Variants in EPHB2 observed in about 807,000 individuals in gnomAD.
The protein encoded by EPHB2 is ephrin type-B receptor 2.
In EPHB2, 18 loss-of-function variants were observed where a neutral mutation model predicts 96.4. That is an observed-to-expected ratio of 0.19 (90% confidence interval 0.13 to 0.28). The LOEUF (loss-of-function observed/expected upper bound fraction) is 0.28. Ranked by LOEUF, EPHB2 falls within the 10% of genes least tolerant of loss-of-function variation. EPHB2 has a pLI of 1.00. For synonymous variants in EPHB2, 506 were observed against 534.1 expected (o/e 0.95, Z 0.72); for missense variants, 989 against 1,355.4 (o/e 0.73, Z 4.25).
intron 3 of EPHB2, among the ~76,000 whole-genome samples, chr1:22,789,031 G>A (rs1434119831): frequency 6.6e-6 from 1 of 152,172 alleles, no homozygotes; most frequent in East Asian, 1.9e-4. Context: ...TGGGATTACA[G>A]GCATGAGCCA....
At position 22,892,711 on chromosome 1, in the gene EPHB2, A is replaced by T. The variant is rs1269781319; in HGVS notation, c.1429-173A>T. ...CTGCCTACCTTTGTGGGCAGTGTTG[A>T]AAAGTAACATGGCAAAAGGCATAAT... On this transcript the variant is annotated intron_variant, in intron 6 of 15. Coordinates refer to ENST00000374630, the MANE Select transcript of EPHB2 (RefSeq NM_017449.5). The T allele has an allele frequency of 3.4e-6, 3 of 873,200 alleles. No homozygotes were observed. In the Admixed American group the frequency reaches 5.1e-5, roughly 15 times the overall value. 54.1% of individuals were successfully genotyped at this position (873,200 alleles called of 1,614,324 possible). A position where few individuals can be genotyped will look rare whatever the true frequency, so the allele number is the denominator to read the frequency against.
chr1:22,716,143 C>T (rs1013339180), intron 1 of EPHB2, among the ~76,000 whole-genome samples: 10 of 152,172 alleles, frequency 6.6e-5, no homozygotes, highest in South Asian at 2.1e-4. Flanking sequence ...CTCCAGAGCC[C>T]CATCAGGGGA....
chr1:22,807,512 T>C (rs1455451628), intron 3 of EPHB2, among the ~76,000 whole-genome samples: 1 of 152,120 alleles, frequency 6.6e-6, no homozygotes, highest in Non-Finnish European at 1.5e-5. Context: ...GAGCCCAGCC[T>C]CCTAGAAGTC....
At chr1:22,885,529 C>T (rs1038006998) in intron 6 of EPHB2, among the ~76,000 whole-genome samples, 1 of 152,254 alleles carries the variant, frequency 6.6e-6, no homozygotes, top group Non-Finnish European at 1.5e-5. Flanking sequence ...AAGCACGTCA[C>T]CTCTAGCATC....
In EPHB2 at chr1:22,789,175, C is replaced by T. The variant is rs74591323; in HGVS notation, c.811+4099C>T. On this transcript the variant is annotated intron_variant, in intron 3 of 15. Coordinates refer to ENST00000374630, the MANE Select transcript of EPHB2 (RefSeq NM_017449.5). The stretch of plus-strand genomic sequence containing the variant: ...CTGGGACCTAAGGCCAAAGAAAGGA[C>T]ACTAGCCCAGCCCCAACACCACCCC... Among the ~76,000 whole-genome samples the T allele has an allele frequency of 2.6e-4, 39 of 152,334 alleles. No homozygotes were observed. The East Asian group carries it at 7.3e-3, about 29-fold the overall frequency.
At position 22,753,526 on chromosome 1, in the gene EPHB2, G is replaced by A. The variant is rs966892746; in HGVS notation, c.62-27895G>A. Among the ~76,000 whole-genome samples the A allele has an allele frequency of 5.9e-5, 9 of 152,300 alleles. No homozygotes were observed. In the South Asian group the frequency reaches 1.5e-3, roughly 25 times the overall value. On this transcript the variant is annotated intron_variant, in intron 1 of 15. Transcript: ENST00000374630. The stretch of plus-strand genomic sequence containing the variant: ...CGCAGGCACCAAGCCCAGTCTGGGT[G>A]GTCAGGGAAGGCTCCCATGAGCCGA...
At chr1:22,893,736 C>A (rs755979935) in intron 7 of EPHB2, among the ~76,000 whole-genome samples, 8 of 152,178 alleles carry the variant, frequency 5.3e-5, no homozygotes, top group Non-Finnish European at 1.2e-4. Flanking sequence ...GGGGTGATAA[C>A]AATGATCTCA....
At chr1:22,753,386 C>G (rs1010586906) in intron 1 of EPHB2, among the ~76,000 whole-genome samples, 28 of 152,196 alleles carry the variant, frequency 1.8e-4, no homozygotes, top group African/African-American at 6.0e-4. Context: ...TAAATGATGG[C>G]TCCTCTTGTC....
intron 1 of EPHB2, among the ~76,000 whole-genome samples, chr1:22,741,364 T>A (rs1643899776): frequency 6.6e-6 from 1 of 152,038 alleles, no homozygotes; most frequent in African/African-American, 2.4e-5. Flanking sequence ...GAGCCGTCTG[T>A]TTTCCCTCCC....
intron 6 of EPHB2, 96 bp downstream of exon 6, chr1:22,882,579 A>G (rs997292200): frequency 1.3e-6 from 2 of 1,578,994 alleles, no homozygotes; most frequent in Non-Finnish European, 1.7e-6. Context: ...GCAAGATGAG[A>G]CGCACTGGTG....
intron 3 of EPHB2, among the ~76,000 whole-genome samples, chr1:22,838,995 TG>T (rs1171447402): frequency 1.3e-5 from 2 of 151,786 alleles, no homozygotes; most frequent in Admixed American, 1.3e-4. Context: ...GAGAAGGGTG[TG>T]GGGTTCAGAA....
At chr1:22,826,465 C>T (rs182812624) in intron 3 of EPHB2, among the ~76,000 whole-genome samples, 1 of 152,338 alleles carries the variant, frequency 6.6e-6, no homozygotes, top group East Asian at 1.9e-4. Context: ...CTGATTCTAA[C>T]AGACAATTTG....
At chr1:22,738,942 G>A (rs965082637) in intron 1 of EPHB2, among the ~76,000 whole-genome samples, 12 of 152,220 alleles carry the variant, frequency 7.9e-5, no homozygotes, top group African/African-American at 2.9e-4. Context: ...TACCAGCAGT[G>A]AGCTAGTATG....
intron 15 of EPHB2, 126 bp downstream of exon 15, chr1:22,912,725 GC>G: frequency 2.1e-6 from 3 of 1,437,364 alleles, no homozygotes; most frequent in Non-Finnish European, 2.9e-6. Flanking sequence ...GGACCAAGGG[GC>G]AAGATGGCCA....
At chr1:22,773,669 C>A (rs1259387359) in intron 1 of EPHB2, among the ~76,000 whole-genome samples, 1 of 152,246 alleles carries the variant, frequency 6.6e-6, no homozygotes, top group African/African-American at 2.4e-5. Flanking sequence ...CTACCCTCTT[C>A]AAGAATCTTC....
intron 1 of EPHB2, chr1:22,774,517 T>C: frequency 1.0e-6 from 1 of 964,154 alleles, no homozygotes; most frequent in Non-Finnish European, 1.2e-6. Flanking sequence ...GGGCCAGGCG[T>C]TCCAGGCAGA....
intron 1 of EPHB2, among the ~76,000 whole-genome samples, chr1:22,777,778 C>G (rs892837744): frequency 6.6e-6 from 1 of 152,108 alleles, no homozygotes; most frequent in Non-Finnish European, 1.5e-5. Context: ...CTTGGGCCTG[C>G]CTTTGCTTTC....
chr1:22,829,705 G>A (rs1645275941), intron 3 of EPHB2, among the ~76,000 whole-genome samples: 2 of 152,174 alleles, frequency 1.3e-5, no homozygotes, highest in African/African-American at 4.8e-5. Context: ...AGGAAGTGCT[G>A]TGGGGGTTGG....
chr1:22,771,175 A>T (rs1427833085), intron 1 of EPHB2, among the ~76,000 whole-genome samples: 1 of 152,198 alleles, frequency 6.6e-6, no homozygotes, highest in African/African-American at 2.4e-5. Context: ...AGTGAACCAG[A>T]CTTGGCCCTG....
Sources: allele counts gnomAD v4.1 joint callset (sites outside exome capture counted in the v4.1 genomes callset), GRCh38; gene constraint gnomAD v4.1.1; transcripts MANE v1.5; gene names NCBI Gene and HGNC (gene_info 2026-07-23, HGNC 2026-07-21).